Variants in GPC6 observed in about 807,000 individuals in gnomAD.
GPC6 encodes glypican-6.
In GPC6, 14 loss-of-function variants were observed where a neutral mutation model predicts 55.2. The observed-to-expected ratio is 0.25, with a 90% CI of 0.17 to 0.40. The LOEUF is 0.40. GPC6 is among the 10% of genes least tolerant of loss of function. The probability of loss-of-function intolerance (pLI) is 1.00; values close to 1 mark genes in which losing one functional copy is unlikely to be tolerated. For synonymous variants in GPC6, 278 were observed against 259.6 expected (o/e 1.07, Z -0.68); for missense variants, 641 against 708.5 (o/e 0.90, Z 1.08).
Position 93,897,304 on chromosome 13 carries a change from ATAGT to A in GPC6, c.711+66763_711+66766del, listed in dbSNP as rs1165240297. On this transcript the variant is annotated intron_variant, in intron 3 of 8. Transcript: ENST00000377047. ...GTATTCACTGACTATACATTTCAAA[ATAGT>A]TAGGAGAGAATAATTCAAATGTGTG... Among the ~76,000 whole-genome samples the A allele has an allele frequency of 2.6e-5, 4 of 152,186 alleles. No homozygotes were observed. The South Asian group carries it at 6.2e-4, about 24-fold the overall frequency.
chr13:93,516,636 A>C (rs1342204580), intron 1 of GPC6, among the ~76,000 whole-genome samples: 1 of 152,162 alleles, frequency 6.6e-6, no homozygotes, highest in Non-Finnish European at 1.5e-5. Context: ...AAAAGAAGAA[A>C]CCCTTCAAGA....
At chr13:93,960,208 A>G (rs1487553778) in intron 3 of GPC6, among the ~76,000 whole-genome samples, 1 of 152,212 alleles carries the variant, frequency 6.6e-6, no homozygotes, top group Non-Finnish European at 1.5e-5. Context: ...GAGAAGAACT[A>G]TATTAATATG....
intron 4 of GPC6, among the ~76,000 whole-genome samples, chr13:94,056,232 T>G (rs890932696): frequency 2.0e-5 from 3 of 152,182 alleles, no homozygotes; most frequent in Admixed American, 2.0e-4. Context: ...TTTATTAATT[T>G]AGGAACAATC....
At chr13:93,407,116 A>G (rs1469328308) in intron 1 of GPC6, among the ~76,000 whole-genome samples, 1 of 152,124 alleles carries the variant, frequency 6.6e-6, no homozygotes, top group African/African-American at 2.4e-5. Context: ...TTATGTGATT[A>G]ATAGTTTGGC....
At chr13:93,276,843 G>T (rs1037939853) in intron 1 of GPC6, among the ~76,000 whole-genome samples, 1 of 152,144 alleles carries the variant, frequency 6.6e-6, no homozygotes, top group African/African-American at 2.4e-5. Flanking sequence ...TAGATGTGTG[G>T]TTCTTGTTTC....
chr13:93,312,218 A>T (rs950304738), intron 1 of GPC6, among the ~76,000 whole-genome samples: 1 of 151,922 alleles, frequency 6.6e-6, no homozygotes, highest in Non-Finnish European at 1.5e-5. Context: ...GTTGAAATTG[A>T]TTTGTGTTAC....
chr13:93,744,528 C>CTTTTTTTTTTTT lies in GPC6; in HGVS notation c.320-85611_320-85600dup, dbSNP rs71736430. Among the ~76,000 whole-genome samples the CTTTTTTTTTTTT allele has an allele frequency of 5.7e-4, 55 of 97,224 alleles. 9 individuals carry two copies. The highest frequency in any genetic ancestry group is 7.6e-4 in the Non-Finnish European group (40 of 52,552). 63.8% of individuals were successfully genotyped at this position (97,224 alleles called of 152,430 possible). A position where few individuals can be genotyped will look rare whatever the true frequency, so the allele number is the denominator to read the frequency against. On this transcript the variant is annotated intron_variant, in intron 2 of 8. Coordinates refer to ENST00000377047, the MANE Select transcript of GPC6 (RefSeq NM_005708.5). ...TTCCTCCAAACCTGCTTTCCCTAGT[C>CTTTTTTTTTTTT]TTTTTTTTTTTTTTTTTTTTTTTTT...
At chr13:93,641,701 C>A (rs1879950870) in intron 2 of GPC6, among the ~76,000 whole-genome samples, 1 of 151,940 alleles carries the variant, frequency 6.6e-6, no homozygotes, top group African/African-American at 2.4e-5. Flanking sequence ...GGTTGATCAA[C>A]CAGTAGGTCA....
chr13:93,591,334 G>A (rs1464617443), intron 2 of GPC6, among the ~76,000 whole-genome samples: 1 of 151,870 alleles, frequency 6.6e-6, no homozygotes, highest in Non-Finnish European at 1.5e-5. Flanking sequence ...CATGGTGGCG[G>A]ACGCCTGTAG....
intron 1 of GPC6, among the ~76,000 whole-genome samples, chr13:93,408,494 C>T (rs1177646236): frequency 3.3e-5 from 5 of 152,128 alleles, no homozygotes; most frequent in Non-Finnish European, 1.5e-5. Context: ...TTGAAGCAAA[C>T]TGAGCAATAT....
intron 4 of GPC6, among the ~76,000 whole-genome samples, chr13:94,087,776 AACG>A (rs1444013617): frequency 6.6e-6 from 1 of 152,250 alleles, no homozygotes; most frequent in Non-Finnish European, 1.5e-5. Context: ...TTAATTATGT[AACG>A]ACATCATAGT....
At chr13:93,467,914 C>A (rs940447623) in intron 1 of GPC6, among the ~76,000 whole-genome samples, 3 of 151,958 alleles carry the variant, frequency 2.0e-5, no homozygotes, top group African/African-American at 7.3e-5. Flanking sequence ...TGTCCTGTAA[C>A]CTTCTAAGTG....
At chr13:93,550,974 G>A (rs1875128111) in intron 2 of GPC6, among the ~76,000 whole-genome samples, 1 of 152,148 alleles carries the variant, frequency 6.6e-6, no homozygotes, top group Non-Finnish European at 1.5e-5. Flanking sequence ...AAGAAAGGCA[G>A]AATTACTTGT....
At chr13:94,311,427 C>G (rs1433673860) in intron 6 of GPC6, among the ~76,000 whole-genome samples, 1 of 152,148 alleles carries the variant, frequency 6.6e-6, no homozygotes, top group Non-Finnish European at 1.5e-5. Flanking sequence ...TCTGGGCCTC[C>G]CAAAGTGCTG....
intron 4 of GPC6, among the ~76,000 whole-genome samples, chr13:94,156,476 G>T (rs578245852): frequency 6.6e-5 from 10 of 152,080 alleles, no homozygotes; most frequent in Non-Finnish European, 1.5e-4. Context: ...GATCCAACAG[G>T]TACACCTATA....
chr13:93,840,075 T>G (rs903077858), intron 3 of GPC6, among the ~76,000 whole-genome samples: 1 of 152,200 alleles, frequency 6.6e-6, no homozygotes, highest in Non-Finnish European at 1.5e-5. Flanking sequence ...GGTAGAATTC[T>G]GCTATGAATC....
At chr13:93,365,197 C>A (rs1881198484) in intron 1 of GPC6, among the ~76,000 whole-genome samples, 1 of 152,104 alleles carries the variant, frequency 6.6e-6, no homozygotes, top group Non-Finnish European at 1.5e-5. Flanking sequence ...AAAGAGGGAA[C>A]CCGTGACTTG....
intron 3 of GPC6, among the ~76,000 whole-genome samples, chr13:94,004,688 A>G (rs908219849): frequency 2.6e-5 from 4 of 152,178 alleles, no homozygotes; most frequent in African/African-American, 9.7e-5. Flanking sequence ...TTACTATGCC[A>G]CAGTGTAAAA....
intron 4 of GPC6, among the ~76,000 whole-genome samples, chr13:94,220,929 A>G (rs1161809962): frequency 1.3e-5 from 2 of 152,074 alleles, no homozygotes; most frequent in African/African-American, 2.4e-5. Flanking sequence ...ATTTCAGCAT[A>G]TGAATTGGGG....
Sources: allele counts gnomAD v4.1 joint callset (sites outside exome capture counted in the v4.1 genomes callset), GRCh38; gene constraint gnomAD v4.1.1; transcripts MANE v1.5; gene names NCBI Gene and HGNC (gene_info 2026-07-23, HGNC 2026-07-21).